Variants in AP3B1 observed in about 807,000 individuals in gnomAD.
AP3B1 encodes adaptor related protein complex 3 subunit beta 1.
In AP3B1, 61 loss-of-function variants were observed where a neutral mutation model predicts 132.5. That is an observed-to-expected ratio of 0.46 (90% CI 0.37 to 0.57). AP3B1 has a LOEUF of 0.57. Among genes scored for constraint, AP3B1 ranks in the 20% least tolerant of loss-of-function variants. AP3B1 has a pLI of 0.00. For missense variants in AP3B1, 1,120 were observed against 1,289.4 expected, an observed-to-expected ratio of 0.87 and a Z score of 2.01; for synonymous variants, 388 against 438.3, an observed-to-expected ratio of 0.89 and a Z score of 1.43.
chr5:78,046,715 T>A (rs113474682), intron 22 of AP3B1, among the ~76,000 whole-genome samples: 340 of 151,992 alleles, frequency 2.2e-3, no homozygotes, highest in African/African-American at 6.5e-3. Context: ...TTTTTTTTTT[T>A]AAAATACTTT....
chr5:78,262,621 C>T lies in AP3B1; in HGVS notation c.204+4899G>A, dbSNP rs1006187021. On this transcript the variant is annotated intron_variant, in intron 2 of 26. Coordinates refer to ENST00000255194, the MANE Select transcript of AP3B1 (RefSeq NM_003664.5). ...CGTCTTTATTCCAGTACCACAATGT[C>T]TTCACTACTATGCTTTGTCATAGGT... is the stretch of plus-strand genomic sequence containing the variant. Among the ~76,000 whole-genome samples, 3 of 151,646 alleles carry T rather than the reference C, an allele frequency of 2.0e-5. No individual in the cohort carries two copies. The East Asian group carries it at 5.8e-4, about 29-fold the overall frequency.
At chr5:78,239,848 C>T (rs1028515348) in intron 3 of AP3B1, among the ~76,000 whole-genome samples, 4 of 151,056 alleles carry the variant, frequency 2.6e-5, no homozygotes, top group South Asian at 2.1e-4. Context: ...CCAACACTAT[C>T]AATCACATTT....
intron 7 of AP3B1, among the ~76,000 whole-genome samples, chr5:78,185,078 G>A (rs935669070): frequency 9.2e-5 from 14 of 152,160 alleles, no homozygotes; most frequent in African/African-American, 2.9e-4. Flanking sequence ...AACTGATGGA[G>A]AGGAACTATC....
chr5:78,271,374 T>C (rs1748538845), intron 1 of AP3B1, among the ~76,000 whole-genome samples: 1 of 152,202 alleles, frequency 6.6e-6, no homozygotes, highest in Non-Finnish European at 1.5e-5. Context: ...TGAGCCGAGA[T>C]GGCACCATTG....
At chr5:78,071,839 C>T (rs1399273421) in intron 22 of AP3B1, among the ~76,000 whole-genome samples, 1 of 152,120 alleles carries the variant, frequency 6.6e-6, no homozygotes, top group Non-Finnish European at 1.5e-5. Flanking sequence ...TTACTGAAGC[C>T]ATTTGAAGTC....
chr5:78,006,954 A>G (rs1290849983), intron 26 of AP3B1, among the ~76,000 whole-genome samples: 1 of 152,266 alleles, frequency 6.6e-6, no homozygotes, highest in African/African-American at 2.4e-5. Flanking sequence ...AATAAAAAAA[A>G]GTTTCATTCT....
intron 6 of AP3B1, among the ~76,000 whole-genome samples, chr5:78,225,123 C>T (rs1326457683): frequency 6.6e-6 from 1 of 152,046 alleles, no homozygotes; most frequent in Non-Finnish European, 1.5e-5. Context: ...ATAGTACATA[C>T]TCCCTGATGA....
At chr5:78,076,968 G>A (rs1749793061) in intron 22 of AP3B1, among the ~76,000 whole-genome samples, 1 of 152,118 alleles carries the variant, frequency 6.6e-6, no homozygotes, top group Non-Finnish European at 1.5e-5. Context: ...TGAGTTCTCT[G>A]AGTTGTTCTA....
chr5:78,202,920 C>T (rs992826550), intron 7 of AP3B1, among the ~76,000 whole-genome samples: 4 of 152,126 alleles, frequency 2.6e-5, no homozygotes, highest in Non-Finnish European at 5.9e-5. Flanking sequence ...CTTTGAAATG[C>T]ATCTAAAACA....
At chr5:78,198,570 C>A (rs1288244144) in intron 7 of AP3B1, among the ~76,000 whole-genome samples, 1 of 152,114 alleles carries the variant, frequency 6.6e-6, no homozygotes, top group African/African-American at 2.4e-5. Flanking sequence ...CATTACCTCC[C>A]AAAAGCTAAA....
chr5:78,088,271 G>C (rs1750351248), intron 22 of AP3B1, among the ~76,000 whole-genome samples: 1 of 151,940 alleles, frequency 6.6e-6, no homozygotes, highest in Non-Finnish European at 1.5e-5. Context: ...CTTTTAATGT[G>C]TCTTTTCCTT....
At chr5:78,011,041 CTTTTTTTTTTT>C (rs11301750) in intron 26 of AP3B1, among the ~76,000 whole-genome samples, 1 of 129,374 alleles carries the variant, frequency 7.7e-6, no homozygotes, top group South Asian at 2.5e-4. Context: ...CTGTATCTCT[CTTTTTTTTTTT>C]TTTTTTTTTG....
chr5:78,015,881 A>G (rs1746837429), intron 25 of AP3B1: 1 of 258,686 alleles, frequency 3.9e-6, no homozygotes, highest in African/African-American at 2.3e-5. Flanking sequence ...TATGTAAACT[A>G]GTAAGCTTTT....
At chr5:78,131,105 A>G (rs1228630800) in intron 15 of AP3B1, among the ~76,000 whole-genome samples, 2 of 151,920 alleles carry the variant, frequency 1.3e-5, no homozygotes, top group East Asian at 3.8e-4. Context: ...CTAAAAGATA[A>G]AAACAAATTT....
chr5:78,043,256 A>C (rs949439032), intron 22 of AP3B1: 1 of 157,794 alleles, frequency 6.3e-6, no homozygotes, highest in Non-Finnish European at 1.4e-5. Flanking sequence ...CAGCCCCACA[A>C]GTAGCTGGGA....
intron 20 of AP3B1, among the ~76,000 whole-genome samples, chr5:78,102,455 C>T (rs952094270): frequency 6.6e-6 from 1 of 151,850 alleles, no homozygotes; most frequent in Admixed American, 6.6e-5. Context: ...ATTTTCATTC[C>T]TTATTTAAAA....
At position 78,039,035 on chromosome 5, in the gene AP3B1, A is replaced by G. The variant is rs778503399; in HGVS notation, c.2809+8T>C. Reference sequence around the variant, plus strand: ...TAGTTAAGGTTTTAAATGAGAATTAATATTTACCTATTGGATTAAAAACAT... The same window carrying G: ...TAGTTAAGGTTTTAAATGAGAATTAGTATTTACCTATTGGATTAAAAACAT... On this transcript the variant is annotated splice_region_variant and intron_variant, in intron 23 of 26. Coordinates refer to ENST00000255194, the MANE Select transcript of AP3B1 (RefSeq NM_003664.5). 1.3e-6 allele frequency: 2 copies of G among 1,483,678 alleles called. No homozygotes were observed. Among genetic ancestry groups the G allele is most frequent in the Non-Finnish European group, 1.9e-6 (2 of 1,064,082 alleles). 91.9% of individuals were successfully genotyped at this position (1,483,678 alleles called of 1,614,324 possible).
At chr5:78,103,549 C>T (rs1301850506) in intron 20 of AP3B1, among the ~76,000 whole-genome samples, 1 of 152,102 alleles carries the variant, frequency 6.6e-6, no homozygotes, top group Non-Finnish European at 1.5e-5. Flanking sequence ...TGTGTTAGTA[C>T]TTGAGAAGAG....
chr5:78,252,385 C>T (rs1199059747), intron 2 of AP3B1, among the ~76,000 whole-genome samples: 9 of 152,128 alleles, frequency 5.9e-5, no homozygotes, highest in Admixed American at 1.3e-4. Context: ...GGGCTCTTAG[C>T]GTCTTCAATT....
Sources: allele counts gnomAD v4.1 joint callset (sites outside exome capture counted in the v4.1 genomes callset), GRCh38; gene constraint gnomAD v4.1.1; transcripts MANE v1.5; gene names NCBI Gene and HGNC (gene_info 2026-07-23, HGNC 2026-07-21).